CTNNA2: variants seen among roughly 807,000 people sequenced by gnomAD.
CTNNA2 encodes the protein catenin alpha-2.
CTNNA2 carries 42 observed loss-of-function variants against 101.0 expected under a neutral mutation model. The observed-to-expected ratio is 0.42, with a 90% CI of 0.32 to 0.54. The LOEUF is 0.54. Among genes scored for constraint, CTNNA2 ranks in the 20% least tolerant of loss-of-function variants. The pLI, the probability that CTNNA2 is intolerant of heterozygous loss-of-function variation, is 0.14. For missense variants in CTNNA2, 871 were observed against 1,223.1 expected (o/e 0.71, Z 4.29); for synonymous variants, 450 against 456.4 (o/e 0.99, Z 0.18).
At chr2:79,286,658 C>A (rs1270781226) in intron 2 of CTNNA2, among the ~76,000 whole-genome samples, 1 of 152,118 alleles carries the variant, frequency 6.6e-6, no homozygotes, top group Non-Finnish European at 1.5e-5. Flanking sequence ...TGAGGGTATC[C>A]CGACCTTTCT....
intron 7 of CTNNA2, among the ~76,000 whole-genome samples, chr2:80,234,658 T>C (rs1198281992): frequency 1.3e-5 from 2 of 152,056 alleles, no homozygotes; most frequent in Admixed American, 1.3e-4. Context: ...AGGAGTTGAA[T>C]TGGAGGATAC....
chr2:79,605,501 T>A (rs1677826792), intron 1 of CTNNA2, among the ~76,000 whole-genome samples: 1 of 138,998 alleles, frequency 7.2e-6, no homozygotes, highest in Non-Finnish European at 1.7e-5. Context: ...TATATTATAA[T>A]CTTATAGTTC....
rs72916956 is a variant in CTNNA2 at position 80,543,208 on chromosome 2, C to G, written c.1291-1774C>G. 9.2e-3 allele frequency among the ~76,000 whole-genome samples: 1,398 copies of G among 152,212 alleles called. 12 individuals are homozygous for G. The highest frequency in any genetic ancestry group is 0.031 in the African/African-American group (1,308 of 41,536). On this transcript the variant is annotated intron_variant, in intron 9 of 18. Transcript: ENST00000402739. ...GTAAAATGAACCAGAATATAGAATA[C>G]AGATGTAACAAAGATGAATAAAAAT...
At chr2:80,553,985 G>A (rs541874726) in intron 11 of CTNNA2, among the ~76,000 whole-genome samples, 3 of 152,102 alleles carry the variant, frequency 2.0e-5, no homozygotes, top group Non-Finnish European at 2.9e-5. Context: ...AAATTTAAAC[G>A]TTTCATTATT....
At chr2:79,239,196 G>A (rs1674593103) in intron 2 of CTNNA2, among the ~76,000 whole-genome samples, 1 of 152,034 alleles carries the variant, frequency 6.6e-6, no homozygotes, top group Non-Finnish European at 1.5e-5. Context: ...GAGGCATCAT[G>A]CTACCAGACT....
chr2:79,493,413 C>T (rs916014786), intron 4 of CTNNA2, among the ~76,000 whole-genome samples: 2 of 152,048 alleles, frequency 1.3e-5, no homozygotes, highest in Non-Finnish European at 1.5e-5. Context: ...GTCAGATGTT[C>T]GAGACCAGCC....
At chr2:79,935,039 G>A (rs1217663270) in intron 7 of CTNNA2, among the ~76,000 whole-genome samples, 1 of 152,288 alleles carries the variant, frequency 6.6e-6, no homozygotes, top group South Asian at 2.1e-4. Flanking sequence ...TTGCCAGAGA[G>A]GGGGAGCAGA....
chr2:80,213,513 G>C (rs1422055160), intron 7 of CTNNA2, among the ~76,000 whole-genome samples: 1 of 152,210 alleles, frequency 6.6e-6, no homozygotes, highest in African/African-American at 2.4e-5. Context: ...TTTCCACGTA[G>C]TTGAGCAGTT....
intron 3 of CTNNA2, among the ~76,000 whole-genome samples, chr2:79,846,529 A>C (rs1183145367): frequency 6.6e-6 from 1 of 152,252 alleles, no homozygotes; most frequent in East Asian, 1.9e-4. Flanking sequence ...GTGGAGTATC[A>C]AGACATCCAA....
At chr2:80,081,236 G>A (rs1431473287) in intron 7 of CTNNA2, among the ~76,000 whole-genome samples, 1 of 152,056 alleles carries the variant, frequency 6.6e-6, no homozygotes, top group Non-Finnish European at 1.5e-5. Flanking sequence ...TGTGTTTGGT[G>A]TTTTCGCTTA....
At chr2:79,287,044 G>A (rs1392141225) in intron 2 of CTNNA2, among the ~76,000 whole-genome samples, 1 of 151,910 alleles carries the variant, frequency 6.6e-6, no homozygotes, top group East Asian at 1.9e-4. Context: ...CCAGTTGATC[G>A]CATCAGCTCC....
upstream of CTNNA2, among the ~76,000 whole-genome samples, chr2:79,509,725 A>G (rs1345003448): frequency 6.6e-6 from 1 of 152,228 alleles, no homozygotes; most frequent in Non-Finnish European, 1.5e-5. Flanking sequence ...CAAAACCAAG[A>G]GTGAACTCTG....
chr2:79,609,181 A>C (rs1041081719), intron 1 of CTNNA2, among the ~76,000 whole-genome samples: 1 of 152,176 alleles, frequency 6.6e-6, no homozygotes, highest in East Asian at 1.9e-4. Context: ...GCTGAACAAA[A>C]GCAAAGATCT....
chr2:79,705,513 C>T (rs1184224168), intron 2 of CTNNA2, among the ~76,000 whole-genome samples: 1 of 152,108 alleles, frequency 6.6e-6, no homozygotes. Context: ...CACTGGGGTT[C>T]TGGAACATAT....
rs536097029 is a variant in CTNNA2, at chr2:79,910,737, T to G, written c.1056+940T>G. Among the ~76,000 whole-genome samples, 7 of 152,236 alleles carry G rather than the reference T, an allele frequency of 4.6e-5. No individual in the cohort carries two copies. In the South Asian group the frequency reaches 1.5e-3, roughly 32 times the overall value. ...AGCTACTGAAGTCCATGTTAGGTAT[T>G]ATTAGAACACCCCGAGGCAATGCTG... On this transcript the variant is annotated intron_variant, in intron 7 of 18. Transcript: ENST00000402739.
chr2:79,430,358 G>C (rs896453485), intron 4 of CTNNA2, among the ~76,000 whole-genome samples: 1 of 151,896 alleles, frequency 6.6e-6, no homozygotes, highest in African/African-American at 2.4e-5. Flanking sequence ...ATTTTTCTAG[G>C]GTTGGTAATT....
chr2:79,962,148 A>G (rs1689683564), intron 7 of CTNNA2, among the ~76,000 whole-genome samples: 1 of 152,246 alleles, frequency 6.6e-6, no homozygotes, highest in African/African-American at 2.4e-5. Context: ...TAGTCTGTTC[A>G]GGCTGCTATA....
chr2:79,931,071 C>T (rs1687407863), intron 7 of CTNNA2, among the ~76,000 whole-genome samples: 1 of 152,044 alleles, frequency 6.6e-6, no homozygotes, highest in Admixed American at 6.6e-5. Flanking sequence ...TATGAAATTT[C>T]ATGGGATAAT....
rs191813497 is a variant in CTNNA2 at position 79,397,566 on chromosome 2, G to A, written c.-135+23553G>A. 1.6e-3 allele frequency among the ~76,000 whole-genome samples: 239 copies of A among 152,060 alleles called. 1 individual carries two copies. Among genetic ancestry groups the A allele is most frequent in the African/African-American group, 5.6e-3 (231 of 41,490 alleles). The stretch of plus-strand genomic sequence containing the variant: ...ATTCCTCAAGATTCATTCTTTATAC[G>A]TTTTTATTTTCCTTCTCTTTTGCAG... On this transcript the variant is annotated intron_variant, in intron 4 of 21. Coordinates refer to the CTNNA2 transcript ENST00000466387.
Sources: gnomAD v4.1 joint callset for allele counts (sites outside exome capture counted in the v4.1 genomes callset) on GRCh38, gnomAD v4.1.1 for gene constraint, MANE v1.5 for transcripts, NCBI Gene and HGNC (gene_info 2026-07-23, HGNC 2026-07-21) for gene names.